The following ZNF420 variants were observed in gnomAD, a reference collection of about 807,000 sequenced individuals.
The protein encoded by ZNF420 is ATM and p53-associated KZNF protein.
ZNF420 carries 31 observed loss-of-function variants against 44.7 expected under a neutral mutation model. The observed-to-expected ratio is 0.69, with a 90% CI of 0.52 to 0.94. The LOEUF (loss-of-function observed/expected upper bound fraction) is 0.94. Ranked by LOEUF, ZNF420 falls within the 40% of genes least tolerant of loss-of-function variation. The probability of loss-of-function intolerance (pLI) is 0.00; values close to 1 mark genes in which losing one functional copy is unlikely to be tolerated. For synonymous variants in ZNF420, 245 were observed against 267.4 expected (o/e 0.92, Z 0.82); for missense variants, 681 against 827.9 (o/e 0.82, Z 2.18).
At chr19:37,114,755 A>C (rs1970567448) in intron 4 of ZNF420, among the ~76,000 whole-genome samples, 1 of 152,146 alleles carries the variant, frequency 6.6e-6, no homozygotes, top group Non-Finnish European at 1.5e-5. Context: ...GGGCATCAGA[A>C]ACTGAAATGC....
intron 4 of ZNF420, among the ~76,000 whole-genome samples, chr19:37,110,161 G>A (rs150834093): frequency 1.3e-5 from 2 of 152,316 alleles, no homozygotes; most frequent in African/African-American, 4.8e-5. Flanking sequence ...TCTCCTGTCT[G>A]GCAGGTTGTC....
chr19:37,107,550 T>G (rs1040826039), intron 4 of ZNF420: 3 of 152,172 alleles, frequency 2.0e-5, no homozygotes, highest in Non-Finnish European at 4.4e-5. Flanking sequence ...GAGTCTCTTA[T>G]GTCTACTTAT....
chr19:37,053,673 C>T (rs1045045504), intron 1 of ZNF420, among the ~76,000 whole-genome samples: 4 of 152,136 alleles, frequency 2.6e-5, no homozygotes, highest in Non-Finnish European at 5.9e-5. Context: ...TGCCGAACAG[C>T]GGATATTGGT....
chr19:37,050,098 A>G (rs1446519677), intron 1 of ZNF420, among the ~76,000 whole-genome samples: 3 of 152,138 alleles, frequency 2.0e-5, no homozygotes, highest in Non-Finnish European at 4.4e-5. Context: ...TACCAGTACC[A>G]TGCTGTTTTG....
intron 4 of ZNF420, among the ~76,000 whole-genome samples, chr19:37,113,773 T>G (rs551033301): frequency 2.0e-5 from 3 of 152,350 alleles, no homozygotes; most frequent in African/African-American, 7.2e-5. Flanking sequence ...GACCTGTTCC[T>G]AATAGTTGAT....
intron 4 of ZNF420, among the ~76,000 whole-genome samples, chr19:37,100,556 T>C (rs1969711647): frequency 6.6e-6 from 1 of 152,030 alleles, no homozygotes; most frequent in Non-Finnish European, 1.5e-5. Context: ...CTACTAAAAA[T>C]ACAAAAAATT....
At chr19:37,066,207 CTG>C (rs1448643354) in intron 1 of ZNF420, among the ~76,000 whole-genome samples, 3 of 152,216 alleles carry the variant, frequency 2.0e-5, no homozygotes, top group Non-Finnish European at 4.4e-5. Context: ...CTTTGGGAGG[CTG>C]CGGCGGGTGG....
intron 1 of ZNF420, among the ~76,000 whole-genome samples, chr19:37,079,447 C>T (rs1568440993): frequency 2.0e-5 from 3 of 152,104 alleles, no homozygotes; most frequent in Non-Finnish European, 4.4e-5. Flanking sequence ...GACTTAAGGA[C>T]TTTTTGATTT....
At chr19:37,121,504 C>T (rs1971033761) in intron 4 of ZNF420, among the ~76,000 whole-genome samples, 1 of 151,604 alleles carries the variant, frequency 6.6e-6, no homozygotes, top group South Asian at 2.1e-4. Context: ...AAACGTTAGA[C>T]CTAAAACCAT....
intron 2 of ZNF420, among the ~76,000 whole-genome samples, chr19:37,085,194 C>CT (rs1374650794): frequency 6.6e-6 from 1 of 152,080 alleles, no homozygotes; most frequent in African/African-American, 2.4e-5. Context: ...TTTTCAATGT[C>CT]TTTTTGCATG....
At position 37,039,968 on chromosome 19, in the gene ZNF420, A is replaced by G. The variant is rs565037561; in HGVS notation, c.-125+31886A>G. Among the ~76,000 whole-genome samples the G allele has an allele frequency of 4.6e-5, 7 of 151,978 alleles. No individual in the cohort carries two copies. The South Asian group carries it at 1.5e-3, about 32-fold the overall frequency. Reference sequence around the variant, plus strand: ...TGGTCTCAAACTTCTAAGCTCAAGCAATTTTCCCACCTCAGCCTCCCAGAG... The same window carrying G: ...TGGTCTCAAACTTCTAAGCTCAAGCGATTTTCCCACCTCAGCCTCCCAGAG... On this transcript the variant is annotated intron_variant, in intron 1 of 4. Transcript: ENST00000587029.
chr19:37,058,843 C>T (rs1967808787), intron 1 of ZNF420, among the ~76,000 whole-genome samples: 1 of 152,200 alleles, frequency 6.6e-6, no homozygotes, highest in South Asian at 2.1e-4. Context: ...CTCGCCCTAT[C>T]CCTGTTTCCA....
At chr19:37,076,240 C>CA (rs1317713356), upstream of ZNF420, among the ~76,000 whole-genome samples, 8 of 151,798 alleles carry the variant, frequency 5.3e-5, no homozygotes, top group Admixed American at 5.2e-4. Context: ...GACCCAGAAT[C>CA]ACACAGATGC....
At chr19:37,039,162 C>T (rs1967410347) in intron 1 of ZNF420, among the ~76,000 whole-genome samples, 1 of 152,188 alleles carries the variant, frequency 6.6e-6, no homozygotes, top group Non-Finnish European at 1.5e-5. Context: ...CTTCCAAACT[C>T]CTATTAATGC....
rs905515826 is a variant in ZNF420, at chr19:37,130,143, G to A, written c.*1085G>A. On this transcript the variant is annotated 3_prime_UTR_variant, in exon 5 of 5. Transcript: ENST00000337995. ...CCGTGCCTACAATGTGGACATCTAA[G>A]CTGGAGCTCCGTTACTCTCATGGGG... 1.7e-5 allele frequency: 27 copies of A among 1,550,236 alleles called. No individual in the cohort carries two copies. Among genetic ancestry groups the A allele is most frequent in the Middle Eastern group, 3.3e-4 (2 of 6,012 alleles).
intron 1 of ZNF420, among the ~76,000 whole-genome samples, chr19:37,079,438 A>T (rs1351222129): frequency 1.3e-5 from 2 of 152,050 alleles, no homozygotes; most frequent in Admixed American, 1.3e-4. Context: ...GGCTCTGAGG[A>T]CTTAAGGACT....
At chr19:37,027,803 T>A (rs1967183071) in intron 1 of ZNF420, among the ~76,000 whole-genome samples, 2 of 152,216 alleles carry the variant, frequency 1.3e-5, no homozygotes, top group Admixed American at 6.5e-5. Flanking sequence ...TATGATTGTT[T>A]CAGAGTTAGT....
chr19:37,090,643 C>T (rs779891648), intron 3 of ZNF420, among the ~76,000 whole-genome samples: 2 of 151,556 alleles, frequency 1.3e-5, no homozygotes, highest in African/African-American at 2.4e-5. Flanking sequence ...TTTTTTTGGC[C>T]GGGCACAGTG....
intron 1 of ZNF420, among the ~76,000 whole-genome samples, chr19:37,037,315 T>C (rs192257397): frequency 6.6e-6 from 1 of 152,232 alleles, no homozygotes; most frequent in Admixed American, 6.5e-5. Flanking sequence ...AAGCGCAGGA[T>C]TCAGGGCAGG....
Sources: gnomAD v4.1 joint callset for allele counts (sites outside exome capture counted in the v4.1 genomes callset) on GRCh38, gnomAD v4.1.1 for gene constraint, MANE v1.5 for transcripts, NCBI Gene and HGNC (gene_info 2026-07-23, HGNC 2026-07-21) for gene names.